SANBR: variants seen among roughly 807,000 people sequenced by gnomAD.
SANBR encodes SANT and BTB domain regulator of CSR.
Under a neutral mutation model 101.8 loss-of-function variants are expected in SANBR, and 77 were observed. The ratio of observed to expected loss-of-function variants is 0.76; its 90% CI spans 0.63 to 0.91. SANBR has a LOEUF of 0.91. Ranked by LOEUF, SANBR falls within the 40% of genes least tolerant of loss-of-function variation. The probability of loss-of-function intolerance (pLI) is 0.00; values close to 1 mark genes in which losing one functional copy is unlikely to be tolerated. For missense variants in SANBR, 875 were observed against 853.0 expected (o/e 1.03, Z -0.32); for synonymous variants, 279 against 274.7 (o/e 1.02, Z -0.15).
intron 19 of SANBR, 136 bp downstream of exon 19, chr2:61,117,676 A>G: frequency 1.4e-6 from 1 of 719,946 alleles, no homozygotes; most frequent in Non-Finnish European, 2.3e-6. Context: ...ATATTCCCTT[A>G]GGCAACAACC....
At chr2:61,125,084 C>G (rs1327948342), downstream of SANBR, among the ~76,000 whole-genome samples, 1 of 152,204 alleles carries the variant, frequency 6.6e-6, no homozygotes, top group Non-Finnish European at 1.5e-5. Flanking sequence ...TAGGCTAACT[C>G]TCTTTCTCCT....
At chr2:61,070,236 C>A in intron 2 of SANBR, 106 bp from the exon 3 acceptor site, 4 of 764,606 alleles carry the variant, frequency 5.2e-6, no homozygotes, top group South Asian at 5.1e-5. Flanking sequence ...TTTTCCTTTA[C>A]ATGGTAGCAG....
intron 11 of SANBR, among the ~76,000 whole-genome samples, chr2:61,095,778 G>A (rs1026538750): frequency 3.3e-5 from 5 of 151,942 alleles, no homozygotes; most frequent in Non-Finnish European, 7.4e-5. Context: ...AGAGTCCCCC[G>A]CAAAAAGAAA....
At chr2:61,133,270 C>A (rs1281482706) in intron 20 of SANBR, among the ~76,000 whole-genome samples, 2 of 151,454 alleles carry the variant, frequency 1.3e-5, no homozygotes, top group Admixed American at 6.6e-5. Flanking sequence ...AAAAAAAATT[C>A]TTCAGGACTG....
At chr2:61,126,429 G>A (rs1030761826), downstream of SANBR, among the ~76,000 whole-genome samples, 5 of 152,056 alleles carry the variant, frequency 3.3e-5, no homozygotes, top group Admixed American at 6.6e-5. Flanking sequence ...TCAAAGCGAC[G>A]TTCGTGATTT....
chr2:61,130,854 T>TGGGAAGTGGAGGTTGCAGTGAGCCGAGA (rs1245792508), intron 20 of SANBR, among the ~76,000 whole-genome samples: 15 of 131,384 alleles, frequency 1.1e-4, no homozygotes, highest in Non-Finnish European at 1.5e-4. Flanking sequence ...TGCCTGAACT[T>TGGGAAGTGGAGGTTGCAGTGAGCCGAGA]GGGAAGTGGA....
In SANBR at chr2:61,088,393, CAGAA is replaced by C. The variant is rs1338247361; in HGVS notation, c.1018_1021del (p.Arg340GlufsTer22). 19 of 1,600,028 alleles carry C rather than the reference CAGAA, an allele frequency of 1.2e-5. No individual in the cohort carries two copies. The highest frequency in any genetic ancestry group is 3.5e-5 in the Admixed American group (2 of 57,028). ...TGTAAGAAACTTTTAACAAAAGAAA[CAGAA>C]AGAAGAATTCCTTGCATTCCTGGAA... is the stretch of plus-strand genomic sequence containing the variant. On this transcript the variant is annotated frameshift_variant, in exon 10 of 22. Coordinates refer to ENST00000402291, the MANE Select transcript of SANBR (RefSeq NM_001129993.3). LOFTEE classifies it high-confidence loss of function.
At chr2:61,124,378 C>T (rs909948422), downstream of SANBR, 1 of 517,600 alleles carries the variant, frequency 1.9e-6, no homozygotes, top group African/African-American at 2.1e-5. Context: ...AAAATTATCT[C>T]TGCTACAAGG....
At chr2:61,082,303 G>T (rs1236801765) in intron 7 of SANBR, among the ~76,000 whole-genome samples, 1 of 152,156 alleles carries the variant, frequency 6.6e-6, no homozygotes, top group Non-Finnish European at 1.5e-5. Flanking sequence ...TGAAATCTAA[G>T]CCCTAAAGGA....
intron 21 of SANBR, among the ~76,000 whole-genome samples, chr2:61,135,723 C>T (rs1392376250): frequency 2.0e-5 from 3 of 151,896 alleles, no homozygotes; most frequent in East Asian, 1.9e-4. Flanking sequence ...CCTCAGCCCA[C>T]GTGTATATCA....
At chr2:61,080,593 C>T (rs1178995916) in intron 6 of SANBR, among the ~76,000 whole-genome samples, 3 of 151,562 alleles carry the variant, frequency 2.0e-5, no homozygotes, top group East Asian at 2.0e-4. Flanking sequence ...TGGTGGTGAA[C>T]GCCTGTAGTC....
chr2:61,069,248 A>G (rs1348854403), intron 2 of SANBR, among the ~76,000 whole-genome samples: 2 of 152,208 alleles, frequency 1.3e-5, no homozygotes, highest in African/African-American at 2.4e-5. Flanking sequence ...ACTATTATTT[A>G]TGCAGCATCT....
intron 20 of SANBR, among the ~76,000 whole-genome samples, chr2:61,119,891 G>A (rs1307586216): frequency 6.6e-6 from 1 of 152,202 alleles, no homozygotes; most frequent in Non-Finnish European, 1.5e-5. Flanking sequence ...GAGCCTGGGA[G>A]GCAGAAGTTG....
downstream of SANBR, among the ~76,000 whole-genome samples, chr2:61,128,270 T>TTA (rs1684574506): frequency 7.1e-5 from 9 of 126,024 alleles, no homozygotes; most frequent in African/African-American, 3.0e-4. Flanking sequence ...AGACTCTGTC[T>TTA]CAAAAAAAAA....
chr2:61,133,441 A>T (rs1387538947), intron 20 of SANBR, among the ~76,000 whole-genome samples: 2 of 151,804 alleles, frequency 1.3e-5, no homozygotes, highest in African/African-American at 4.8e-5. Context: ...TAATTTTCTT[A>T]TGTGAATTTC....
chr2:61,097,621 A>G (rs867629184), intron 11 of SANBR, 79 bp from the exon 12 acceptor site: 1 of 1,089,916 alleles, frequency 9.2e-7, no homozygotes. Flanking sequence ...TGGAACATAT[A>G]ATATTTGGTC....
At chr2:61,106,357 C>G (rs967651082) in intron 13 of SANBR, among the ~76,000 whole-genome samples, 1 of 147,126 alleles carries the variant, frequency 6.8e-6, no homozygotes, top group African/African-American at 2.5e-5. Flanking sequence ...TGCCATTGCC[C>G]TCCAGCCTGG....
At chr2:61,089,257 TC>T in intron 10 of SANBR, 1 of 933,372 alleles carries the variant, frequency 1.1e-6, no homozygotes, top group Non-Finnish European at 1.3e-6. Context: ...ACACCTATAA[TC>T]CCAGCACTTT....
At position 61,124,173 on chromosome 2, in the gene SANBR, T is replaced by C. The variant is rs1684445213; in HGVS notation, c.*2011T>C. On this transcript the variant is annotated 3_prime_UTR_variant, in exon 22 of 22. Coordinates refer to ENST00000402291, the MANE Select transcript of SANBR (RefSeq NM_001129993.3). ...TACATAGCACTGGTACCGCAAACAT[T>C]TTACTTAAACTCTTAATAGCATTTC... is the stretch of plus-strand genomic sequence containing the variant. 1.0e-6 allele frequency: 1 copy of C among 982,014 alleles called. No homozygotes were observed. Among genetic ancestry groups the C allele is most frequent in the Non-Finnish European group, 1.2e-6 (1 of 826,810 alleles). The allele number at this position is 982,014 out of a possible 1,614,324, so 60.8% of individuals were successfully genotyped here. A position where few individuals can be genotyped will look rare whatever the true frequency, so the allele number is the denominator to read the frequency against.
Sources: gnomAD v4.1 joint callset for allele counts (sites outside exome capture counted in the v4.1 genomes callset) on GRCh38, gnomAD v4.1.1 for gene constraint, MANE v1.5 for transcripts, NCBI Gene and HGNC (gene_info 2026-07-23, HGNC 2026-07-21) for gene names.